Variants in NPLOC4 observed in about 807,000 individuals in gnomAD.
NPLOC4 encodes the protein NPL4 homolog, ubiquitin recognition factor.
In NPLOC4, 18 loss-of-function variants were observed where a neutral mutation model predicts 80.6. The ratio of observed to expected loss-of-function variants is 0.22; its 90% CI spans 0.15 to 0.33. The LOEUF (loss-of-function observed/expected upper bound fraction) is 0.33. NPLOC4 is among the 10% of genes least tolerant of loss of function. NPLOC4 has a pLI of 1.00. For missense variants in NPLOC4, 540 were observed against 786.1 expected (o/e 0.69, Z 3.74); for synonymous variants, 313 against 301.5 (o/e 1.04, Z -0.39).
At chr17:81,607,253 C>T (rs1392865426) in intron 6 of NPLOC4, among the ~76,000 whole-genome samples, 3 of 152,102 alleles carry the variant, frequency 2.0e-5, no homozygotes, top group African/African-American at 7.2e-5. Context: ...TGGGAAAAAT[C>T]TGATTAGGAT....
chr17:81,629,519 T>C (rs1266749726), intron 2 of NPLOC4, among the ~76,000 whole-genome samples: 1 of 152,182 alleles, frequency 6.6e-6, no homozygotes, highest in Non-Finnish European at 1.5e-5. Context: ...CTTTGGGCTC[T>C]TGGTCCTATA....
intron 11 of NPLOC4, among the ~76,000 whole-genome samples, chr17:81,593,828 C>T (rs889295211): frequency 6.6e-6 from 1 of 152,126 alleles, no homozygotes; most frequent in African/African-American, 2.4e-5. Context: ...GCCCCAGCTG[C>T]TCTCCAGCTA....
At chr17:81,626,146 C>T (rs142983146) in intron 2 of NPLOC4, among the ~76,000 whole-genome samples, 1 of 142,634 alleles carries the variant, frequency 7.0e-6, no homozygotes, top group Non-Finnish European at 1.5e-5. Context: ...GAGACTTCAT[C>T]TCAAAAAAAA....
chr17:81,560,317 G>A (rs1598610456), intron 16 of NPLOC4, among the ~76,000 whole-genome samples: 1 of 152,164 alleles, frequency 6.6e-6, no homozygotes, highest in East Asian at 1.9e-4. Flanking sequence ...GGAGGCTGAG[G>A]AAGGAGAATC....
intron 11 of NPLOC4, among the ~76,000 whole-genome samples, chr17:81,594,961 A>AC (rs2034858770): frequency 6.6e-6 from 1 of 151,996 alleles, no homozygotes; most frequent in Non-Finnish European, 1.5e-5. Flanking sequence ...GAACAAACAA[A>AC]AAAAAAAACA....
At chr17:81,600,530 G>A (rs912403023) in intron 8 of NPLOC4, 103 bp from the exon 9 acceptor site, 1 of 809,722 alleles carries the variant, frequency 1.2e-6, no homozygotes. Context: ...GAGTGCTGGG[G>A]GCCTCCTTGT....
At chr17:81,623,366 G>A (rs932467170) in intron 2 of NPLOC4, among the ~76,000 whole-genome samples, 2 of 150,450 alleles carry the variant, frequency 1.3e-5, no homozygotes. Context: ...TACCCGGGAG[G>A]CTGAGGCAGA....
chr17:81,622,540 C>CA (rs768650587), intron 2 of NPLOC4, among the ~76,000 whole-genome samples: 31 of 152,160 alleles, frequency 2.0e-4, no homozygotes, highest in Non-Finnish European at 2.8e-4. Flanking sequence ...TTGAAGCAAA[C>CA]AAGAGTTAAT....
chr17:81,623,003 T>C (rs2035705560), intron 2 of NPLOC4, among the ~76,000 whole-genome samples: 1 of 151,622 alleles, frequency 6.6e-6, no homozygotes, highest in Non-Finnish European at 1.5e-5. Flanking sequence ...GAGACCAGCC[T>C]GACCAACATG....
intron 9 of NPLOC4, among the ~76,000 whole-genome samples, chr17:81,597,579 G>A (rs1428713429): frequency 6.6e-6 from 1 of 151,864 alleles, no homozygotes; most frequent in Non-Finnish European, 1.5e-5. Flanking sequence ...GAGGTCGGGA[G>A]TTCGAGACCA....
At chr17:81,566,845 T>TG in intron 15 of NPLOC4, 1 of 154,064 alleles carries the variant, frequency 6.5e-6, no homozygotes, top group Admixed American at 6.4e-5. Context: ...AAGAACCTCC[T>TG]GGGGGCTGCT....
intron 11 of NPLOC4, among the ~76,000 whole-genome samples, chr17:81,589,331 C>A (rs1401855751): frequency 1.3e-5 from 2 of 152,014 alleles, no homozygotes; most frequent in African/African-American, 2.4e-5. Context: ...GAGATCGAGA[C>A]CATCCCGGAT....
intron 16 of NPLOC4, chr17:81,564,546 C>T (rs9905026): frequency 0.23 from 35,075 of 152,092 alleles, 4,332 homozygotes; most frequent in Admixed American, 0.3. Flanking sequence ...TCCCAACACT[C>T]TGGGAGGCAG....
At chr17:81,603,853 T>G (rs1272799992) in intron 8 of NPLOC4, among the ~76,000 whole-genome samples, 1 of 152,210 alleles carries the variant, frequency 6.6e-6, no homozygotes, top group Admixed American at 6.6e-5. Flanking sequence ...TTTTTACTTT[T>G]GCAATAAAAT....
intron 1 of NPLOC4, among the ~76,000 whole-genome samples, chr17:81,631,157 C>T (rs889139265): frequency 1.2e-4 from 18 of 150,200 alleles, no homozygotes; most frequent in African/African-American, 3.9e-4. Context: ...AGCAAGACTT[C>T]GTCTCAAAAA....
chr17:81,577,270 C>G lies in NPLOC4; in HGVS notation c.1282-5182G>C, dbSNP rs1353260727. Reference sequence around the variant, plus strand: ...TGTAGTCCTCGCCAGACTGCCTGTCCGCACAGCTCTCCAGACAGAGGACCC... The same window carrying G: ...TGTAGTCCTCGCCAGACTGCCTGTCGGCACAGCTCTCCAGACAGAGGACCC... On this transcript the variant is annotated intron_variant, in intron 12 of 16. Transcript: ENST00000331134. The surrounding 1 kb of genome is among the most constrained non-coding windows in gnomAD (Gnocchi z 4.3). Among the ~76,000 whole-genome samples the G allele has an allele frequency of 6.6e-6, 1 of 151,988 alleles. No individual in the cohort carries two copies. The highest frequency in any genetic ancestry group is 2.1e-4 in the South Asian group (1 of 4,824).
chr17:81,620,107 T>C (rs908761572), intron 3 of NPLOC4, among the ~76,000 whole-genome samples: 1 of 152,108 alleles, frequency 6.6e-6, no homozygotes, highest in Non-Finnish European at 1.5e-5. Context: ...AGGGAAGAGA[T>C]GGAAGGGGAA....
intron 5 of NPLOC4, 37 bp downstream of exon 5, chr17:81,610,173 C>A (rs564674950): frequency 1.7e-5 from 27 of 1,553,700 alleles, no homozygotes; most frequent in South Asian, 3.6e-5. Context: ...CGCAGCCCCC[C>A]ACACTGGCCC....
At chr17:81,612,197 C>T (rs931785599) in intron 4 of NPLOC4, among the ~76,000 whole-genome samples, 1 of 152,092 alleles carries the variant, frequency 6.6e-6, no homozygotes, top group Non-Finnish European at 1.5e-5. Context: ...TGCTGGTTTA[C>T]GAGGGCGCCG....
Sources: allele counts gnomAD v4.1 joint callset (sites outside exome capture counted in the v4.1 genomes callset), GRCh38; gene constraint gnomAD v4.1.1; non-coding constraint Gnocchi (gnomAD v3.1); transcripts MANE v1.5; gene names NCBI Gene and HGNC (gene_info 2026-07-23, HGNC 2026-07-21).